GRM1: variants seen among roughly 807,000 people sequenced by gnomAD.
The protein encoded by GRM1 is glutamate metabotropic receptor 1.
GRM1 carries 33 observed loss-of-function variants against 90.9 expected under a neutral mutation model. The observed-to-expected ratio is 0.36, with a 90% CI of 0.28 to 0.49. GRM1 has a LOEUF of 0.49. Among genes scored for constraint, GRM1 ranks in the 20% least tolerant of loss-of-function variants. The pLI is 0.99. For missense variants in GRM1, 1,190 were observed against 1,534.3 expected, an observed-to-expected ratio of 0.78 and a Z score of 3.75; for synonymous variants, 700 against 613.2, an observed-to-expected ratio of 1.14 and a Z score of -2.09.
chr6:146,060,586 A>AT (rs1296893019), intron 1 of GRM1, among the ~76,000 whole-genome samples: 3 of 152,090 alleles, frequency 2.0e-5, no homozygotes, highest in Admixed American at 6.6e-5. Context: ...GATCTTGTTT[A>AT]TTTTTATGGC....
chr6:146,418,619 ATTAAT>A (rs1327082490), intron 7 of GRM1, among the ~76,000 whole-genome samples: 2 of 151,658 alleles, frequency 1.3e-5, no homozygotes, highest in African/African-American at 4.8e-5. Context: ...AAATTTTATA[ATTAAT>A]TTAAGAATTT....
intron 5 of GRM1, among the ~76,000 whole-genome samples, chr6:146,380,464 GT>G (rs1776281169): frequency 1.3e-5 from 2 of 152,050 alleles, no homozygotes; most frequent in Non-Finnish European, 2.9e-5. Flanking sequence ...TACCCCTGAT[GT>G]TCCCTTAAGG....
intron 3 of GRM1, among the ~76,000 whole-genome samples, chr6:146,342,143 C>T (rs1785005388): frequency 6.6e-6 from 1 of 152,142 alleles, no homozygotes; most frequent in Non-Finnish European, 1.5e-5. Context: ...GTTTTAGAAT[C>T]TATAATACTG....
At chr6:146,391,361 T>C (rs562038580) in intron 6 of GRM1, among the ~76,000 whole-genome samples, 1 of 152,152 alleles carries the variant, frequency 6.6e-6, no homozygotes, top group Admixed American at 6.6e-5. Flanking sequence ...TAGCTCTGAG[T>C]TCTCTGTAAT....
At chr6:146,069,111 T>C (rs1177161374) in intron 1 of GRM1, among the ~76,000 whole-genome samples, 1 of 152,192 alleles carries the variant, frequency 6.6e-6, no homozygotes, top group Admixed American at 6.6e-5. Flanking sequence ...TTTTGAAATA[T>C]AGAGATTATC....
chr6:146,384,156 G>A (rs1244010164), intron 5 of GRM1, among the ~76,000 whole-genome samples: 7 of 152,132 alleles, frequency 4.6e-5, no homozygotes, highest in African/African-American at 1.7e-4. Flanking sequence ...GTAGTGCAAA[G>A]TATGGAAGAA....
At position 146,350,968 on chromosome 6, in the gene GRM1, C is replaced by T. The variant is rs1235730156; in HGVS notation, c.1187-1282C>T. Among the ~76,000 whole-genome samples the T allele has an allele frequency of 3.3e-5, 5 of 152,230 alleles. No homozygotes were observed. The South Asian group carries it at 6.2e-4, about 19-fold the overall frequency. On this transcript the variant is annotated intron_variant, in intron 3 of 7. Transcript: ENST00000282753. ...ACTCTCAGGGTAGATATAAGGATAT[C>T]CTTTTCAAACTTTTGACTACATCTA...
intron 2 of GRM1, among the ~76,000 whole-genome samples, chr6:146,253,469 T>G (rs1004665927): frequency 6.6e-6 from 1 of 152,228 alleles, no homozygotes; most frequent in Non-Finnish European, 1.5e-5. Context: ...ACTCAGTTTA[T>G]TTCTTATTCG....
At chr6:146,211,889 AAG>A (rs1307798983) in intron 2 of GRM1, among the ~76,000 whole-genome samples, 1 of 152,220 alleles carries the variant, frequency 6.6e-6, no homozygotes, top group Non-Finnish European at 1.5e-5. Context: ...CAACCAGAGA[AAG>A]AGAATCATTA....
chr6:146,406,937 G>T (rs1777369031), intron 7 of GRM1, among the ~76,000 whole-genome samples: 2 of 152,156 alleles, frequency 1.3e-5, no homozygotes, highest in African/African-American at 2.4e-5. Flanking sequence ...TGGGGATACA[G>T]CATGCACATC....
chr6:146,410,391 A>G (rs183992881), intron 7 of GRM1, among the ~76,000 whole-genome samples: 32 of 152,366 alleles, frequency 2.1e-4, no homozygotes, highest in Admixed American at 2.0e-3. Flanking sequence ...CTTCTGAGTT[A>G]ATAAAAATAC....
chr6:146,325,792 C>T (rs1250181832), intron 3 of GRM1, among the ~76,000 whole-genome samples: 1 of 152,114 alleles, frequency 6.6e-6, no homozygotes, highest in Non-Finnish European at 1.5e-5. Context: ...AATATTTTCT[C>T]AGCTTTTATA....
At chr6:146,072,139 G>C (rs1776035674) in intron 1 of GRM1, among the ~76,000 whole-genome samples, 1 of 152,132 alleles carries the variant, frequency 6.6e-6, no homozygotes, top group African/African-American at 2.4e-5. Flanking sequence ...GGAAGCAGTG[G>C]TGTTGCTCTG....
At chr6:146,397,176 AT>A (rs1562666711) in intron 6 of GRM1, among the ~76,000 whole-genome samples, 3 of 152,046 alleles carry the variant, frequency 2.0e-5, no homozygotes, top group Non-Finnish European at 2.9e-5. Context: ...AATACATAAA[AT>A]TTTTTTTAAA....
chr6:146,392,738 A>G (rs143823951), intron 6 of GRM1, among the ~76,000 whole-genome samples: 2 of 152,194 alleles, frequency 1.3e-5, no homozygotes, highest in South Asian at 2.1e-4. Context: ...CGCTATGCCC[A>G]TATGTTCTCA....
chr6:146,300,886 T>C (rs919518837), intron 2 of GRM1, among the ~76,000 whole-genome samples: 3 of 152,216 alleles, frequency 2.0e-5, no homozygotes, highest in African/African-American at 7.2e-5. Flanking sequence ...TCTTTTAAAG[T>C]GTACTTCAGA....
At chr6:146,357,363 G>A (rs1427764024) in intron 4 of GRM1, among the ~76,000 whole-genome samples, 163 bp from the exon 5 acceptor site, 1 of 152,054 alleles carries the variant, frequency 6.6e-6, no homozygotes, top group Admixed American at 6.6e-5. Flanking sequence ...TACACATTTG[G>A]GATAATCAGA....
At chr6:146,316,162 C>T (rs953860947) in intron 3 of GRM1, among the ~76,000 whole-genome samples, 2 of 152,168 alleles carry the variant, frequency 1.3e-5, no homozygotes, top group African/African-American at 4.8e-5. Context: ...AGAGAATGTT[C>T]CCTTGCTTTT....
At chr6:146,212,879 T>C (rs1037054684) in intron 2 of GRM1, among the ~76,000 whole-genome samples, 5 of 151,674 alleles carry the variant, frequency 3.3e-5, no homozygotes, top group South Asian at 4.1e-4. Flanking sequence ...AATTGTTCTA[T>C]TTTTAGTATA....
Sources: allele counts gnomAD v4.1 joint callset (sites outside exome capture counted in the v4.1 genomes callset), GRCh38; gene constraint gnomAD v4.1.1; transcripts MANE v1.5; gene names NCBI Gene and HGNC (gene_info 2026-07-23, HGNC 2026-07-21).